ZBTB8A: variants seen among roughly 807,000 people sequenced by gnomAD.
The protein encoded by ZBTB8A is zinc finger and BTB domain-containing protein 8A.
In ZBTB8A, 19 loss-of-function variants were observed where a neutral mutation model predicts 37.8. The observed-to-expected ratio is 0.50, with a 90% confidence interval of 0.35 to 0.74. The LOEUF (loss-of-function observed/expected upper bound fraction) is 0.74. Ranked by LOEUF, ZBTB8A falls within the 30% of genes least tolerant of loss-of-function variation. ZBTB8A has a pLI of 0.01. For synonymous variants in ZBTB8A, 181 were observed against 185.2 expected (o/e 0.98, Z 0.19); for missense variants, 394 against 537.8 (o/e 0.73, Z 2.65).
At chr1:32,573,724 A>G (rs1358077100) in intron 2 of ZBTB8A, among the ~76,000 whole-genome samples, 8 of 132,536 alleles carry the variant, frequency 6.0e-5, no homozygotes, top group African/African-American at 2.3e-4. Context: ...AAAAGCCACC[A>G]CACCCAGCTA....
At chr1:32,581,374 A>G (rs1218795542) in intron 2 of ZBTB8A, among the ~76,000 whole-genome samples, 1 of 140,414 alleles carries the variant, frequency 7.1e-6, no homozygotes, top group Non-Finnish European at 1.5e-5. Flanking sequence ...TTTTTGAGAT[A>G]GAGTTTCCCT....
Position 32,600,214 on chromosome 1 carries a change from T to C in ZBTB8A, c.1121T>C (p.Ile374Thr). Residue 374 changes from isoleucine (I) to threonine (T), a missense_variant, in exon 5 of 5, where the codon ATA (isoleucine) becomes ACA (threonine). Ile to Thr is a moderately conservative substitution (Grantham distance 89, BLOSUM62 -1). This residue lies in a region of ZBTB8A where 85 missense variants were observed against 89.0 expected (regional missense o/e 0.95). Transcript: ENST00000373510. ...LCNECLAEFG[I>T]DSLPIDLEAE... ...AATGAGTGTCTTGCAGAATTTGGCA[T>C]AGACAGCCTCCCCATTGACTTGGAA... 1 of 1,614,176 alleles carries C rather than the reference T, an allele frequency of 6.2e-7. No individual in the cohort carries two copies. Among genetic ancestry groups the C allele is most frequent in the African/African-American group, 1.3e-5 (1 of 75,052 alleles).
Position 32,601,268 on chromosome 1 carries a change from G to A in ZBTB8A, c.*849G>A, listed in dbSNP as rs965764973. On this transcript the variant is annotated 3_prime_UTR_variant, in exon 5 of 5. Coordinates refer to ENST00000373510, the MANE Select transcript of ZBTB8A (RefSeq NM_001040441.3). ...AGGCAGGCGGATCACAAGGTCAGGAGTTTGAAACCAGCCTGGCCAACATGG... is the reference window on the plus strand; with the variant it reads ...AGGCAGGCGGATCACAAGGTCAGGAATTTGAAACCAGCCTGGCCAACATGG... The A allele has an allele frequency of 3.1e-5, 5 of 163,204 alleles. No homozygotes were observed. Among genetic ancestry groups the A allele is most frequent in the African/African-American group, 1.2e-4 (5 of 42,006 alleles). 10.1% of individuals were successfully genotyped at this position (163,204 alleles called of 1,614,324 possible). A position where few individuals can be genotyped will look rare whatever the true frequency, so the allele number is the denominator to read the frequency against.
chr1:32,577,065 G>A (rs1644365911), intron 2 of ZBTB8A, among the ~76,000 whole-genome samples: 1 of 150,550 alleles, frequency 6.6e-6, no homozygotes, highest in African/African-American at 2.4e-5. Flanking sequence ...AGTAAAGACA[G>A]GGTTTCACCA....
intron 1 of ZBTB8A, among the ~76,000 whole-genome samples, chr1:32,543,618 A>G (rs1233338871): frequency 6.6e-6 from 1 of 152,062 alleles, no homozygotes; most frequent in Non-Finnish European, 1.5e-5. Context: ...TGGGCATTTC[A>G]TGTGAATAAA....
At chr1:32,570,796 AT>A (rs961713284) in intron 2 of ZBTB8A, among the ~76,000 whole-genome samples, 1 of 151,920 alleles carries the variant, frequency 6.6e-6, no homozygotes, top group African/African-American at 2.4e-5. Context: ...AAGATTCTTT[AT>A]AGGATTTTCT....
chr1:32,571,806 A>C (rs1644324499), intron 2 of ZBTB8A, among the ~76,000 whole-genome samples: 1 of 151,380 alleles, frequency 6.6e-6, no homozygotes, highest in Admixed American at 6.6e-5. Context: ...CGAACTCCTG[A>C]CTTCAGGTGA....
intron 2 of ZBTB8A, among the ~76,000 whole-genome samples, chr1:32,584,514 T>C (rs1490270220): frequency 2.3e-5 from 3 of 128,160 alleles, no homozygotes; most frequent in Non-Finnish European, 3.4e-5. Context: ...CTTTCTTTTT[T>C]TTTTTTTTTT....
At position 32,604,426 on chromosome 1, in the gene ZBTB8A, A is replaced by G. The variant is rs1402749265; in HGVS notation, c.*4007A>G. On this transcript the variant is annotated 3_prime_UTR_variant, in exon 5 of 5. Transcript: ENST00000373510. ...GCACAATGTTGAAAACCATGGAATT[A>G]GACAACTTCCTGAATTCCCTTTGAG... The G allele has an allele frequency of 6.6e-6, 1 of 152,204 alleles. No homozygotes were observed. Among genetic ancestry groups the G allele is most frequent in the Non-Finnish European group, 1.5e-5 (1 of 68,036 alleles). The allele number at this position is 152,204 out of a possible 1,614,324, so 9.4% of individuals were successfully genotyped here. A position where few individuals can be genotyped will look rare whatever the true frequency, so the allele number is the denominator to read the frequency against.
rs555736414 is a variant in ZBTB8A, at chr1:32,605,704, C to CAAAAAAAAAAAAAAAAAA, written c.*5294_*5311dup. Reference sequence around the variant, plus strand: ...TGGGTGACAGAGCGAGACTCCACCTCAAAAAAAAAAAAAAAAAAAAAAAAA... The same window carrying CAAAAAAAAAAAAAAAAAA: ...TGGGTGACAGAGCGAGACTCCACCTCAAAAAAAAAAAAAAAAAAAAAAAAAAAAAAAAAAAAAAAAAAA... On this transcript the variant is annotated 3_prime_UTR_variant, in exon 5 of 5. Coordinates refer to ENST00000373510, the MANE Select transcript of ZBTB8A (RefSeq NM_001040441.3). 5.4e-5 allele frequency: 1 copy of CAAAAAAAAAAAAAAAAAA among 18,400 alleles called. No individual in the cohort carries two copies. Among genetic ancestry groups the CAAAAAAAAAAAAAAAAAA allele is most frequent in the African/African-American group, 1.7e-4 (1 of 5,844 alleles). 1.1% of individuals were successfully genotyped at this position (18,400 alleles called of 1,614,324 possible). A position where few individuals can be genotyped will look rare whatever the true frequency, so the allele number is the denominator to read the frequency against.
In ZBTB8A at chr1:32,541,536, C is replaced by G. The variant is rs138348433; in HGVS notation, c.-84+1964C>G. ...TATTAATTCTAAATCTTTTCTGTCT[C>G]AGGCCATTTGTGCAGCTATAAAAAT... is the stretch of plus-strand genomic sequence containing the variant. On this transcript the variant is annotated intron_variant, in intron 1 of 4. Transcript: ENST00000373510. Among the ~76,000 whole-genome samples, 177 of 152,336 alleles carry G rather than the reference C, an allele frequency of 1.2e-3. 1 individual carries two copies. The highest frequency in any genetic ancestry group is 2.9e-3 in the African/African-American group (122 of 41,574).
rs1644567922 is a variant in ZBTB8A at position 32,600,503 on chromosome 1, T to C, written c.*84T>C. 5.9e-6 allele frequency: 6 copies of C among 1,015,812 alleles called. No individual in the cohort carries two copies. The South Asian group carries it at 7.9e-5, about 13-fold the overall frequency. The allele number at this position is 1,015,812 out of a possible 1,614,324, so 62.9% of individuals were successfully genotyped here. On this transcript the variant is annotated 3_prime_UTR_variant, in exon 5 of 5. Transcript: ENST00000373510. ...CTCTCTTTCTATGGTCGGAGTCTAG[T>C]TAACAAATTTATCACACTGACTTTA...
intron 2 of ZBTB8A, among the ~76,000 whole-genome samples, chr1:32,584,508 CTT>C (rs1177778440): frequency 1.4e-4 from 16 of 117,874 alleles, no homozygotes; most frequent in Admixed American, 1.2e-3. Context: ...TTCTTTCTTT[CTT>C]TTTTTTTTTT....
intron 2 of ZBTB8A, among the ~76,000 whole-genome samples, chr1:32,587,665 A>T (rs1197515998): frequency 1.3e-5 from 2 of 152,038 alleles, no homozygotes; most frequent in African/African-American, 4.8e-5. Flanking sequence ...GATATTATGA[A>T]ATATGTGTTT....
intron 2 of ZBTB8A, among the ~76,000 whole-genome samples, chr1:32,581,294 A>G (rs1006511840): frequency 2.6e-5 from 3 of 115,282 alleles, no homozygotes; most frequent in Admixed American, 1.3e-4. Context: ...ATATATATTT[A>G]TATATTATAT....
chr1:32,562,121 GTT>G (rs770827959), intron 2 of ZBTB8A, among the ~76,000 whole-genome samples: 8 of 129,864 alleles, frequency 6.2e-5, no homozygotes, highest in Non-Finnish European at 6.7e-5. Context: ...ATTTTTGTTT[GTT>G]TTTTTTTTTT....
At chr1:32,565,365 T>C (rs1185258628) in intron 2 of ZBTB8A, among the ~76,000 whole-genome samples, 1 of 152,108 alleles carries the variant, frequency 6.6e-6, no homozygotes, top group Non-Finnish European at 1.5e-5. Flanking sequence ...AAATCCGTTT[T>C]AAGGCTGGGC....
chr1:32,579,744 C>T (rs1348351055), intron 2 of ZBTB8A, among the ~76,000 whole-genome samples: 1 of 152,118 alleles, frequency 6.6e-6, no homozygotes, highest in Non-Finnish European at 1.5e-5. Flanking sequence ...ATCACAGTCG[C>T]ATACTCACTG....
chr1:32,559,755 A>G (rs1017152745), intron 2 of ZBTB8A, among the ~76,000 whole-genome samples: 1 of 152,086 alleles, frequency 6.6e-6, no homozygotes, highest in Non-Finnish European at 1.5e-5. Context: ...ATGAGCCACT[A>G]TGCGTGGCAC....
Sources: allele counts gnomAD v4.1 joint callset (sites outside exome capture counted in the v4.1 genomes callset), GRCh38; gene constraint gnomAD v4.1.1; regional missense constraint gnomAD v4.1.1; transcripts MANE v1.5; gene names NCBI Gene and HGNC (gene_info 2026-07-23, HGNC 2026-07-21).